Variants in GAPVD1 observed in about 807,000 individuals in gnomAD.
The protein encoded by GAPVD1 is GTPase-activating protein and VPS9 domain-containing protein 1.
GAPVD1 carries 35 observed loss-of-function variants against 155.5 expected under a neutral mutation model. The observed-to-expected ratio is 0.23, with a 90% CI of 0.17 to 0.30. GAPVD1 has a LOEUF of 0.30. Among genes scored for constraint, GAPVD1 ranks in the 10% least tolerant of loss-of-function variants. GAPVD1 has a pLI of 1.00. For missense variants in GAPVD1, 1,429 were observed against 1,775.7 expected (o/e 0.80, Z 3.51); for synonymous variants, 636 against 619.7 (o/e 1.03, Z -0.39).
intron 19 of GAPVD1, chr9:125,345,881 G>GTATA (rs199885105): frequency 2.6e-5 from 4 of 151,962 alleles, no homozygotes; most frequent in African/African-American, 9.7e-5. Flanking sequence ...GTGTGTGTGT[G>GTATA]TGTATATATA....
chr9:125,268,566 C>T (rs1459007362), intron 1 of GAPVD1, among the ~76,000 whole-genome samples: 1 of 139,170 alleles, frequency 7.2e-6, no homozygotes, highest in Non-Finnish European at 1.5e-5. Flanking sequence ...GTAACGCTAT[C>T]ACAGCTCACT....
chr9:125,310,822 G>GCCA (rs994184952), intron 8 of GAPVD1, among the ~76,000 whole-genome samples: 1 of 150,056 alleles, frequency 6.7e-6, no homozygotes, highest in African/African-American at 2.5e-5. Context: ...ACAGGCGTGA[G>GCCA]CCACCGCGCC....
intron 9 of GAPVD1, among the ~76,000 whole-genome samples, chr9:125,315,539 G>C (rs1488788933): frequency 6.6e-6 from 1 of 152,118 alleles, no homozygotes; most frequent in Non-Finnish European, 1.5e-5. Flanking sequence ...ATTTTGATCT[G>C]TCTGGTAGGT....
intron 3 of GAPVD1, 65 bp from the exon 4 acceptor site, chr9:125,298,825 T>C: frequency 2.8e-6 from 2 of 702,922 alleles, no homozygotes; most frequent in South Asian, 4.3e-5. Context: ...TCCTGTCCCT[T>C]TTGATTTTAG....
chr9:125,358,482 AACAGTG>A (rs1850432999), intron 25 of GAPVD1, among the ~76,000 whole-genome samples: 1 of 152,194 alleles, frequency 6.6e-6, no homozygotes, highest in Admixed American at 6.5e-5. Flanking sequence ...CATGCTTCTT[AACAGTG>A]ACAGTGGCTT....
chr9:125,360,621 C>A lies in GAPVD1; in HGVS notation c.4138C>A (p.Leu1380Met), dbSNP rs752551149. ...CCCCCGGGACAAAGTGCAGTGCATC[C>A]TGAGAATGTGCTCTACGATTATGAA... is the stretch of plus-strand genomic sequence containing the variant. ...KTPRDKVQCILRMCSTIMNLL... is the reference protein window; with the variant it reads ...KTPRDKVQCIMRMCSTIMNLL... Residue 1380 changes from leucine (L) to methionine (M), a missense_variant, in exon 27 of 28, where the codon CTG becomes ATG. By Grantham distance (15) the Leu-to-Met change is conservative. This residue lies in a region of GAPVD1 where 102 missense variants were observed against 196.5 expected (regional missense o/e 0.52). Coordinates refer to ENST00000297933, the MANE Select transcript of GAPVD1 (RefSeq NM_001282680.3). 4.3e-6 allele frequency: 7 copies of A among 1,613,888 alleles called. 1 individual carries two copies. Among genetic ancestry groups the A allele is most frequent in the Admixed American group, 1.7e-5 (1 of 60,014 alleles).
In GAPVD1 at chr9:125,350,950, A is replaced by G; in HGVS notation, c.3569+78A>G. On this transcript the variant is annotated intron_variant, in intron 23 of 27. Transcript: ENST00000297933. Reference sequence around the variant, plus strand: ...TTTCTTTTTTATCCTTATTTCAGAAATGAATCTAGGCTTCCTACAAAGTGC... The same window carrying G: ...TTTCTTTTTTATCCTTATTTCAGAAGTGAATCTAGGCTTCCTACAAAGTGC... 2.6e-6 allele frequency: 3 copies of G among 1,156,818 alleles called. No individual in the cohort carries two copies. In the South Asian group the frequency reaches 4.3e-5, roughly 17 times the overall value. The allele number at this position is 1,156,818 out of a possible 1,614,324, so 71.7% of individuals were successfully genotyped here. A position where few individuals can be genotyped will look rare whatever the true frequency, so the allele number is the denominator to read the frequency against.
chr9:125,349,576 G>T, intron 21 of GAPVD1, 57 bp downstream of exon 21: 1 of 1,447,646 alleles, frequency 6.9e-7, no homozygotes, highest in Non-Finnish European at 9.6e-7. Context: ...CACCATTGCA[G>T]TCACGTCAAG....
chr9:125,301,980 T>A lies in GAPVD1; in HGVS notation c.186-3T>A. The stretch of plus-strand genomic sequence containing the variant: ...TGTTTGCTCTTTTTTTTTTTTTTTT[T>A]AGTGCTGAAGCTTCCCCTGCTGAAT... On this transcript the variant is annotated splice_region_variant and splice_polypyrimidine_tract_variant and intron_variant, in intron 4 of 27. Transcript: ENST00000297933. The A allele has an allele frequency of 6.5e-7, 1 of 1,529,840 alleles. No individual in the cohort carries two copies. Among genetic ancestry groups the A allele is most frequent in the African/African-American group, 1.4e-5 (1 of 70,270 alleles). 94.8% of individuals were successfully genotyped at this position (1,529,840 alleles called of 1,614,324 possible).
chr9:125,307,466 C>A lies in GAPVD1; in HGVS notation c.1170C>A (p.Thr390=). Residue 390 remains threonine (T), a synonymous_variant, in exon 7 of 28, where the codon ACC becomes ACA. Transcript: ENST00000297933. ...DVVIGGRAVE[T]PPLSSVNLLE... is the part of the protein sequence containing the mutation. ...TGATTGGGGGCCGTGCAGTGGAGAC[C>A]CCTCCATTGTCTTCCGTCAATCTTC... is the stretch of plus-strand genomic sequence containing the variant. The A allele has an allele frequency of 1.2e-6, 2 of 1,608,730 alleles. No individual in the cohort carries two copies. Among genetic ancestry groups the A allele is most frequent in the Non-Finnish European group, 1.7e-6 (2 of 1,175,268 alleles).
chr9:125,306,603 C>T (rs1841862418), intron 6 of GAPVD1, among the ~76,000 whole-genome samples: 2 of 152,138 alleles, frequency 1.3e-5, no homozygotes, highest in Non-Finnish European at 1.5e-5. Context: ...AGCAGTCCTC[C>T]CACCTCAGCT....
chr9:125,301,481 C>T (rs2130870417), intron 4 of GAPVD1, among the ~76,000 whole-genome samples: 1 of 151,410 alleles, frequency 6.6e-6, no homozygotes, highest in South Asian at 2.1e-4. Context: ...CAGAGTCTTG[C>T]TTTGTTGGCC....
At chr9:125,348,491 G>A (rs1233423678) in intron 20 of GAPVD1, among the ~76,000 whole-genome samples, 1 of 151,980 alleles carries the variant, frequency 6.6e-6, no homozygotes, top group Admixed American at 6.6e-5. Context: ...ATACATGTAT[G>A]TGTTGTATTA....
At chr9:125,326,847 G>A (rs1845262400) in intron 12 of GAPVD1, among the ~76,000 whole-genome samples, 1 of 150,360 alleles carries the variant, frequency 6.7e-6, no homozygotes, top group African/African-American at 2.4e-5. Context: ...AAGAAAGAAA[G>A]AAAAACCAGT....
intron 25 of GAPVD1, among the ~76,000 whole-genome samples, chr9:125,357,458 A>AGTC (rs1212324378): frequency 6.6e-6 from 1 of 151,902 alleles, no homozygotes; most frequent in African/African-American, 2.4e-5. Flanking sequence ...ATGCGTGTAT[A>AGTC]GTCCCAGCTG....
intron 2 of GAPVD1, among the ~76,000 whole-genome samples, chr9:125,274,239 A>T (rs1187356096): frequency 6.6e-6 from 1 of 151,900 alleles, no homozygotes; most frequent in African/African-American, 2.4e-5. Flanking sequence ...CCTGGTCTTG[A>T]ACTCCTGACC....
In GAPVD1 at chr9:125,350,300, C is replaced by G; in HGVS notation, c.3305C>G (p.Ala1102Gly). The G allele has an allele frequency of 6.3e-7, 1 of 1,575,668 alleles. No homozygotes were observed. Among genetic ancestry groups the G allele is most frequent in the Admixed American group, 2.0e-5 (1 of 49,520 alleles). The change falls in exon 22 of 28, where the codon GCA becomes GGA. Residue 1102 changes from alanine to glycine, a missense_variant. Coordinates refer to ENST00000297933, the MANE Select transcript of GAPVD1 (RefSeq NM_001282680.3). Reference sequence around the variant, plus strand: ...ATTTTCTACTCATTTTTCAGAGATGCAAAAAAGAAACTGAGGCTTGCTCTT... The same window carrying G: ...ATTTTCTACTCATTTTTCAGAGATGGAAAAAAGAAACTGAGGCTTGCTCTT... ...PQDSAFSYRDAKKKLRLALCS... is the reference protein window; with the variant it reads ...PQDSAFSYRDGKKKLRLALCS...
intron 2 of GAPVD1, among the ~76,000 whole-genome samples, chr9:125,271,833 C>G (rs1834972976): frequency 1.3e-5 from 2 of 152,006 alleles, no homozygotes; most frequent in Non-Finnish European, 2.9e-5. Flanking sequence ...GCACCTGGCC[C>G]TCCTTTCACT....
At chr9:125,362,208 G>T (rs1851033732) in intron 27 of GAPVD1, among the ~76,000 whole-genome samples, 1 of 152,144 alleles carries the variant, frequency 6.6e-6, no homozygotes, top group East Asian at 1.9e-4. Context: ...ATCTTTTTTA[G>T]TTTTTTCTTT....
Sources: gnomAD v4.1 joint callset for allele counts (sites outside exome capture counted in the v4.1 genomes callset) on GRCh38, gnomAD v4.1.1 for gene constraint, gnomAD v4.1.1 regional missense constraint, MANE v1.5 for transcripts, NCBI Gene and HGNC (gene_info 2026-07-23, HGNC 2026-07-21) for gene names.